The following ADAM22 variants were observed in gnomAD, a reference collection of about 807,000 sequenced individuals.
ADAM22 encodes disintegrin and metalloproteinase domain-containing protein 22.
ADAM22 carries 65 observed loss-of-function variants against 144.6 expected under a neutral mutation model. The ratio of observed to expected loss-of-function variants is 0.45; its 90% CI spans 0.37 to 0.55. The LOEUF is 0.55. ADAM22 is among the 20% of genes least tolerant of loss of function. The pLI is 0.00. For synonymous variants in ADAM22, 391 were observed against 412.6 expected (o/e 0.95, Z 0.63); for missense variants, 974 against 1,184.9 (o/e 0.82, Z 2.61).
At chr7:88,169,116 A>C (rs1480963582) in intron 25 of ADAM22, among the ~76,000 whole-genome samples, 1 of 152,116 alleles carries the variant, frequency 6.6e-6, no homozygotes, top group Non-Finnish European at 1.5e-5. Flanking sequence ...CACCAAAGGA[A>C]ACATCTTTAT....
chr7:87,969,065 A>G (rs1022491781), intron 2 of ADAM22, among the ~76,000 whole-genome samples: 3 of 152,194 alleles, frequency 2.0e-5, no homozygotes, highest in African/African-American at 7.2e-5. Context: ...ACTGTGCACC[A>G]GGCCTCTCCT....
chr7:88,027,721 T>G (rs969566052), intron 3 of ADAM22, among the ~76,000 whole-genome samples: 2 of 152,206 alleles, frequency 1.3e-5, no homozygotes, highest in African/African-American at 4.8e-5. Flanking sequence ...TTATTTCTTT[T>G]CTTGTACTAA....
intron 2 of ADAM22, among the ~76,000 whole-genome samples, chr7:87,945,516 CTT>C (rs773312797): frequency 1.2e-4 from 17 of 140,716 alleles, no homozygotes; most frequent in Non-Finnish European, 9.4e-5. Context: ...TCTTTTCTTT[CTT>C]TTTTTTTTTT....
chr7:88,082,332 T>C (rs1816951629), intron 4 of ADAM22, among the ~76,000 whole-genome samples: 1 of 152,114 alleles, frequency 6.6e-6, no homozygotes, highest in African/African-American at 2.4e-5. Context: ...ACACAAAAAT[T>C]AATTCAAGAT....
intron 3 of ADAM22, among the ~76,000 whole-genome samples, chr7:88,020,857 GC>G (rs1797678136): frequency 6.6e-6 from 1 of 152,160 alleles, no homozygotes; most frequent in Admixed American, 6.5e-5. Flanking sequence ...AATGGATAAT[GC>G]AGAAACCTGG....
intron 3 of ADAM22, among the ~76,000 whole-genome samples, chr7:88,025,179 G>C (rs1329428837): frequency 6.6e-6 from 1 of 152,142 alleles, no homozygotes; most frequent in Admixed American, 6.5e-5. Flanking sequence ...CAGTGTAAAA[G>C]TGTTCCTATT....
intron 2 of ADAM22, among the ~76,000 whole-genome samples, chr7:87,954,591 C>G (rs558629978): frequency 6.6e-6 from 1 of 152,102 alleles, no homozygotes; most frequent in East Asian, 1.9e-4. Flanking sequence ...TCCTTCATTT[C>G]AACTTTGGTG....
chr7:88,040,126 A>T (rs979017215), intron 3 of ADAM22, among the ~76,000 whole-genome samples: 31 of 147,860 alleles, frequency 2.1e-4, no homozygotes, highest in Admixed American at 1.9e-3. Flanking sequence ...CAACACTTCC[A>T]TTTTTTTTTT....
intron 2 of ADAM22, among the ~76,000 whole-genome samples, chr7:87,948,783 C>T (rs752245521): frequency 2.0e-5 from 3 of 152,066 alleles, no homozygotes; most frequent in Non-Finnish European, 4.4e-5. Flanking sequence ...ATTGGGGCGC[C>T]GATAACTTGG....
intron 3 of ADAM22, among the ~76,000 whole-genome samples, chr7:88,017,425 A>G (rs1438303027): frequency 1.3e-5 from 2 of 152,204 alleles, no homozygotes; most frequent in African/African-American, 2.4e-5. Context: ...ATAAAAGGAC[A>G]AAAGTACTAT....
chr7:88,163,953 G>A (rs574096926), intron 23 of ADAM22, among the ~76,000 whole-genome samples: 1 of 152,194 alleles, frequency 6.6e-6, no homozygotes, highest in South Asian at 2.1e-4. Context: ...ATCCAGTTAA[G>A]ATAAAGGATC....
Position 88,153,214 on chromosome 7 carries a change from G to T in ADAM22, c.1682-7G>T. ...CCTCACTGATAGAAAATTTTTTTCT[G>T]CCTTAGAGGTGACAGCATCAGACAA... On this transcript the variant is annotated splice_polypyrimidine_tract_variant and splice_region_variant and intron_variant, in intron 20 of 31. Transcript: ENST00000413139. The T allele has an allele frequency of 6.2e-7, 1 of 1,608,876 alleles. No homozygotes were observed. Among genetic ancestry groups the T allele is most frequent in the Non-Finnish European group, 8.5e-7 (1 of 1,177,600 alleles).
At chr7:88,145,629 C>T (rs1836170785) in intron 17 of ADAM22, 122 bp downstream of exon 17, 1 of 730,052 alleles carries the variant, frequency 1.4e-6, no homozygotes, top group South Asian at 1.8e-5. Flanking sequence ...TGAGTAAGTG[C>T]CAGGTGCTTT....
intron 29 of ADAM22, among the ~76,000 whole-genome samples, chr7:88,184,026 A>G (rs1847737942): frequency 6.6e-6 from 1 of 152,082 alleles, no homozygotes; most frequent in Non-Finnish European, 1.5e-5. Flanking sequence ...AGACAAATAT[A>G]TCTTTTATTT....
chr7:88,018,012 T>C (rs1796938803), intron 3 of ADAM22, among the ~76,000 whole-genome samples: 2 of 152,158 alleles, frequency 1.3e-5, no homozygotes, highest in Non-Finnish European at 2.9e-5. Context: ...ATTGAGTTAC[T>C]AGTTCATCTT....
At chr7:87,961,112 G>T (rs76014437) in intron 2 of ADAM22, among the ~76,000 whole-genome samples, 3 of 152,088 alleles carry the variant, frequency 2.0e-5, no homozygotes, top group Non-Finnish European at 4.4e-5. Flanking sequence ...GGGGGCATAC[G>T]TTGTAATTTC....
At chr7:88,148,914 G>A (rs1240395294) in intron 17 of ADAM22, 63 bp from the exon 18 acceptor site, 1 of 1,230,480 alleles carries the variant, frequency 8.1e-7, no homozygotes, top group African/African-American at 1.5e-5. Context: ...GTTTTTTTTA[G>A]ATGATATTGT....
chr7:88,145,507 G>T lies in ADAM22; in HGVS notation c.1485G>T (p.Lys495Asn). ...CSDGLCCKKC[K>N]FQPMGTVCRE... ...ACGGTCTTTGCTGTAAAAAGTGCAA[G>T]GTAAATAAACATTAATGACCATTTG... is the stretch of plus-strand genomic sequence containing the variant. The change falls in exon 17 of 32, where the codon AAG becomes AAT. Residue 495 changes from lysine to asparagine, a missense_variant and splice_region_variant. By Grantham distance (94) the Lys-to-Asn change is moderately conservative. Coordinates refer to ENST00000413139, the MANE Select transcript of ADAM22 (RefSeq NM_001324418.2). 1 of 1,611,502 alleles carries T rather than the reference G, an allele frequency of 6.2e-7. No homozygotes were observed. Among genetic ancestry groups the T allele is most frequent in the South Asian group, 1.1e-5 (1 of 90,836 alleles).
chr7:88,113,695 A>AATATATATATATATAATATATATATT (rs1252120880), intron 5 of ADAM22, among the ~76,000 whole-genome samples: 5 of 52,240 alleles, frequency 9.6e-5, no homozygotes, highest in African/African-American at 4.5e-4. Context: ...ATTATAAATA[A>AATATATATATATATAATATATATATT]ATAAATAAAT....
Sources: gnomAD v4.1 joint callset for allele counts (sites outside exome capture counted in the v4.1 genomes callset) on GRCh38, gnomAD v4.1.1 for gene constraint, MANE v1.5 for transcripts, NCBI Gene and HGNC (gene_info 2026-07-23, HGNC 2026-07-21) for gene names.